Variants in NRP2 observed in about 807,000 individuals in gnomAD.
The protein encoded by NRP2 is neuropilin 2.
NRP2 carries 52 observed loss-of-function variants against 110.4 expected under a neutral mutation model. The observed-to-expected ratio is 0.47, with a 90% confidence interval of 0.38 to 0.59. The LOEUF (loss-of-function observed/expected upper bound fraction) is 0.59. NRP2 is among the 20% of genes least tolerant of loss of function. NRP2 has a pLI of 0.00. For missense variants in NRP2, 1,049 were observed against 1,203.0 expected, an observed-to-expected ratio of 0.87 and a Z score of 1.89; for synonymous variants, 508 against 468.9, an observed-to-expected ratio of 1.08 and a Z score of -1.08.
Position 205,686,040 on chromosome 2 carries a change from C to T in NRP2, c.73+2677C>T, listed in dbSNP as rs1006054792. Among the ~76,000 whole-genome samples, 16 of 152,064 alleles carry T rather than the reference C, an allele frequency of 1.1e-4. No individual in the cohort carries two copies. Among genetic ancestry groups the T allele is most frequent in the Non-Finnish European group, 2.2e-4 (15 of 67,980 alleles). On this transcript the variant is annotated intron_variant, in intron 1 of 16. Transcript: ENST00000357785. This position sits in a 1 kb window ranked among gnomAD's most constrained non-coding sequence, Gnocchi z 4.7. The stretch of plus-strand genomic sequence containing the variant: ...CTCAGCTCTCCTCCTAGCCCTCCCT[C>T]CCCTTCCCCGCCCCCCAGCGCCTTC...
chr2:205,734,348 A>G lies in NRP2; in HGVS notation c.1147-6171A>G, dbSNP rs1274436018. Among the ~76,000 whole-genome samples, 9 of 152,068 alleles carry G rather than the reference A, an allele frequency of 5.9e-5. No homozygotes were observed. The East Asian group carries it at 1.7e-3, about 29-fold the overall frequency. On this transcript the variant is annotated intron_variant, in intron 7 of 16. Coordinates refer to ENST00000357785, the MANE Select transcript of NRP2 (RefSeq NM_003872.3). ...GTTTTAAAGGAGAAAGATCAGGACC[A>G]TGATTCACAAACAACAAAAAAAGCC...
intron 7 of NRP2, among the ~76,000 whole-genome samples, chr2:205,730,335 G>A (rs1267200831): frequency 2.0e-5 from 3 of 150,676 alleles, no homozygotes; most frequent in African/African-American, 7.3e-5. Flanking sequence ...CAAGTCTGCC[G>A]CAGTTTGATT....
chr2:205,701,790 G>T (rs77934214), intron 2 of NRP2, among the ~76,000 whole-genome samples: 2,493 of 152,238 alleles, frequency 0.016, 48 homozygotes, highest in East Asian at 0.056. Context: ...TCTTAAAAGA[G>T]AACTTTAAAG....
At chr2:205,729,637 A>G (rs2057198313) in intron 7 of NRP2, among the ~76,000 whole-genome samples, 1 of 152,230 alleles carries the variant, frequency 6.6e-6, no homozygotes, top group Admixed American at 6.5e-5. Context: ...CCAGAGGGAT[A>G]CTGTAGCATA....
chr2:205,776,198 G>C lies in NRP2; in HGVS notation c.2425+9395G>C, dbSNP rs763204763. 2.6e-6 allele frequency: 4 copies of C among 1,530,278 alleles called. No homozygotes were observed. In the South Asian group the frequency reaches 4.5e-5, roughly 17 times the overall value. The allele number at this position is 1,530,278 out of a possible 1,614,324, so 94.8% of individuals were successfully genotyped here. ...TTTTTTTAAATTAGTCTTTTGATTA[G>C]TCTGCATGCTCTCAGCCTAGCAACA... On this transcript the variant is annotated intron_variant, in intron 15 of 16. Coordinates refer to ENST00000357785, the MANE Select transcript of NRP2 (RefSeq NM_003872.3).
intron 1 of NRP2, among the ~76,000 whole-genome samples, chr2:205,684,061 T>C (rs1575527242): frequency 6.6e-6 from 1 of 152,210 alleles, no homozygotes; most frequent in African/African-American, 2.4e-5. Flanking sequence ...TTGCAGGCCC[T>C]CGAAGGTCTC....
In NRP2 at chr2:205,722,561, T is replaced by C; in HGVS notation, c.517T>C (p.Leu173=). ...GTTTCCTGAGAAGTATCCACACAACTTGGACTGCACCTTTACCATCCTGGC... is the reference window on the plus strand; with the variant it reads ...GTTTCCTGAGAAGTATCCACACAACCTGGACTGCACCTTTACCATCCTGGC... The part of the protein sequence containing the change: ...PGFPEKYPHN[L]DCTFTILAKP... The change falls in exon 4 of 17, where the codon TTG becomes CTG. Residue 173 remains leucine, a synonymous_variant. Coordinates refer to ENST00000357785, the MANE Select transcript of NRP2 (RefSeq NM_003872.3). 6.2e-7 allele frequency: 1 copy of C among 1,614,182 alleles called. No individual in the cohort carries two copies. The highest frequency in any genetic ancestry group is 8.5e-7 in the Non-Finnish European group (1 of 1,180,036).
At chr2:205,784,963 TG>T (rs998120999) in intron 15 of NRP2, among the ~76,000 whole-genome samples, 2 of 152,146 alleles carry the variant, frequency 1.3e-5, no homozygotes, top group African/African-American at 4.8e-5. Flanking sequence ...AGCAAGCTAT[TG>T]GGGGAAATCA....
chr2:205,764,751 C>A (rs1015027324), intron 13 of NRP2, among the ~76,000 whole-genome samples: 4 of 152,162 alleles, frequency 2.6e-5, no homozygotes, highest in Non-Finnish European at 4.4e-5. Flanking sequence ...CAGTCCCTGT[C>A]CCTTGAGGTT....
chr2:205,704,360 T>A (rs896617845), intron 2 of NRP2, among the ~76,000 whole-genome samples: 2 of 152,236 alleles, frequency 1.3e-5, no homozygotes, highest in Non-Finnish European at 2.9e-5. Context: ...GGAGAGGCCG[T>A]TGGCTTGATC....
intron 15 of NRP2, among the ~76,000 whole-genome samples, chr2:205,786,770 A>AGTTC (rs2058240501): frequency 6.6e-6 from 1 of 152,186 alleles, no homozygotes; most frequent in Non-Finnish European, 1.5e-5. Context: ...CAATTTACCC[A>AGTTC]CTTTGTCAGT....
chr2:205,740,792 C>T, intron 8 of NRP2, 129 bp downstream of exon 8: 1 of 1,016,264 alleles, frequency 9.8e-7, no homozygotes, highest in Non-Finnish European at 1.4e-6. Flanking sequence ...GGACTCAAGT[C>T]CTACCAGAGT....
At chr2:205,755,572 C>T (rs565133651) in intron 12 of NRP2, among the ~76,000 whole-genome samples, 2 of 150,082 alleles carry the variant, frequency 1.3e-5, no homozygotes, top group East Asian at 2.0e-4. Flanking sequence ...AGAGAAAGCC[C>T]TTTCTGTTCA....
At chr2:205,707,616 A>G (rs2056707228) in intron 2 of NRP2, among the ~76,000 whole-genome samples, 1 of 152,180 alleles carries the variant, frequency 6.6e-6, no homozygotes, top group Non-Finnish European at 1.5e-5. Flanking sequence ...GCCAGCAAAG[A>G]GGAATAGAAA....
rs372470039 is a variant in NRP2 at position 205,794,875 on chromosome 2, C to A, written c.2598C>A (p.Ala866=). ...TLDPILITII[A]MSSLGVLLGA... is the part of the protein sequence containing the mutation. Reference sequence around the variant, plus strand: ...ATCCCATCCTCATCACCATCATCGCCATGAGCTCACTGGGCGTCCTCCTGG... The same window carrying A: ...ATCCCATCCTCATCACCATCATCGCAATGAGCTCACTGGGCGTCCTCCTGG... Residue 866 remains alanine (A), a synonymous_variant, in exon 17 of 17, where the codon GCC becomes GCA. Transcript: ENST00000357785. The A allele has an allele frequency of 3.7e-6, 6 of 1,614,102 alleles. No homozygotes were observed. The highest frequency in any genetic ancestry group is 1.7e-5 in the Admixed American group (1 of 60,012).
intron 2 of NRP2, among the ~76,000 whole-genome samples, chr2:205,715,521 C>G (rs1329714713): frequency 6.6e-6 from 1 of 152,154 alleles, no homozygotes; most frequent in Non-Finnish European, 1.5e-5. Context: ...CACATGTTGA[C>G]TAGACACTGC....
At chr2:205,760,366 T>C (rs1268166633) in intron 12 of NRP2, among the ~76,000 whole-genome samples, 1 of 152,130 alleles carries the variant, frequency 6.6e-6, no homozygotes, top group East Asian at 1.9e-4. Context: ...TTACATATCA[T>C]CTTTCTTCCC....
chr2:205,775,054 A>T (rs536885885), intron 15 of NRP2, among the ~76,000 whole-genome samples: 33 of 152,140 alleles, frequency 2.2e-4, no homozygotes, highest in African/African-American at 7.7e-4. Context: ...AGCACTTCCC[A>T]CCCATGGCTC....
At chr2:205,689,390 G>A (rs872146) in intron 1 of NRP2, among the ~76,000 whole-genome samples, 43,549 of 152,122 alleles carry the variant, frequency 0.29, 7,376 homozygotes, top group East Asian at 0.43. Context: ...GGCTATGTCA[G>A]ATTATGTAGA....
Sources: allele counts gnomAD v4.1 joint callset (sites outside exome capture counted in the v4.1 genomes callset), GRCh38; gene constraint gnomAD v4.1.1; non-coding constraint Gnocchi (gnomAD v3.1); transcripts MANE v1.5; gene names NCBI Gene and HGNC (gene_info 2026-07-23, HGNC 2026-07-21).